The following GTF2H3 variants were observed in gnomAD, a reference collection of about 807,000 sequenced individuals.
The protein encoded by GTF2H3 is TFIIH basal transcription factor complex p34 subunit.
In GTF2H3, 42 loss-of-function variants were observed where a neutral mutation model predicts 51.1. The observed-to-expected ratio is 0.82, with a 90% confidence interval of 0.64 to 1.06. GTF2H3 has a LOEUF of 1.06. GTF2H3 is among the 50% of genes least tolerant of loss of function. GTF2H3 has a pLI of 0.00. For missense variants in GTF2H3, 326 were observed against 366.1 expected (o/e 0.89, Z 0.89); for synonymous variants, 123 against 123.8 (o/e 0.99, Z 0.04).
At chr12:123,651,887 G>C (rs553247513) in intron 5 of GTF2H3, among the ~76,000 whole-genome samples, 2 of 151,886 alleles carry the variant, frequency 1.3e-5, no homozygotes, top group African/African-American at 2.4e-5. Context: ...GAAAACTCTA[G>C]CTTCTCCATT....
intron 1 of GTF2H3, among the ~76,000 whole-genome samples, chr12:123,634,076 G>T (rs1388584005): frequency 6.6e-6 from 1 of 152,222 alleles, no homozygotes; most frequent in Non-Finnish European, 1.5e-5. Flanking sequence ...TTTTAGCAGA[G>T]ATCGTGACAG....
At chr12:123,652,660 A>G (rs1191852892) in intron 6 of GTF2H3, 47 bp from the exon 7 acceptor site, 4 of 1,538,584 alleles carry the variant, frequency 2.6e-6, no homozygotes, top group Non-Finnish European at 3.5e-6. Context: ...ACCATATATG[A>G]TTAGTAAGAT....
chr12:123,657,456 G>A (rs1179472522), intron 9 of GTF2H3, among the ~76,000 whole-genome samples: 1 of 152,170 alleles, frequency 6.6e-6, no homozygotes, highest in African/African-American at 2.4e-5. Context: ...TGCACTTTCT[G>A]TTCTCTCTGC....
chr12:123,647,731 A>C (rs1390153687), intron 3 of GTF2H3, among the ~76,000 whole-genome samples: 1 of 152,194 alleles, frequency 6.6e-6, no homozygotes, highest in African/African-American at 2.4e-5. Context: ...TTCTGTGGTG[A>C]TAGACAAATG....
chr12:123,662,566 T>G lies in GTF2H3; in HGVS notation c.*2331T>G, dbSNP rs1955670491. The G allele has an allele frequency of 6.6e-6, 1 of 152,212 alleles. No individual in the cohort carries two copies. Among genetic ancestry groups the G allele is most frequent in the Non-Finnish European group, 1.5e-5 (1 of 68,044 alleles). 9.4% of individuals were successfully genotyped at this position (152,212 alleles called of 1,614,324 possible). On this transcript the variant is annotated 3_prime_UTR_variant, in exon 13 of 13. Transcript: ENST00000543341. ...TTTTAACTGTTGCCCTTATGAGTTA[T>G]TTTATATAAATTTTTACAATAAAAT...
rs781539845 is a variant in GTF2H3 at position 123,659,847 on chromosome 12, C to G, written c.737C>G (p.Pro246Arg). Residue 246 changes from proline to arginine, a missense_variant, in exon 11 of 13, where the codon CCA becomes CGA. By Grantham distance (103) the Pro-to-Arg change is moderately radical (BLOSUM62 -2). Coordinates refer to ENST00000543341, the MANE Select transcript of GTF2H3 (RefSeq NM_001516.5). ...AGATCTCAGTTAATCCTCCCACCCC[C>G]AGTTCATGTTGACTACAGGGCTGCT... Reference protein sequence around the residue: ...DQRSQLILPPPVHVDYRAACF... With the variant: ...DQRSQLILPPRVHVDYRAACF... 1.9e-6 allele frequency: 3 copies of G among 1,613,450 alleles called. No individual in the cohort carries two copies.
rs143541829 is a variant in GTF2H3, at chr12:123,661,100, T to C, written c.*865T>C. ...TGAGCCCAGGAGTTCGAGAGCAGCC[T>C]GGGCAGCAAAGTGAGACCCCATCTC... On this transcript the variant is annotated 3_prime_UTR_variant, in exon 13 of 13. Coordinates refer to ENST00000543341, the MANE Select transcript of GTF2H3 (RefSeq NM_001516.5). 6.8e-4 allele frequency: 104 copies of C among 152,064 alleles called. No homozygotes were observed. Among genetic ancestry groups the C allele is most frequent in the African/African-American group, 2.2e-3 (91 of 41,462 alleles). The allele number at this position is 152,064 out of a possible 1,614,324, so 9.4% of individuals were successfully genotyped here. A position where few individuals can be genotyped will look rare whatever the true frequency, so the allele number is the denominator to read the frequency against.
At chr12:123,643,167 T>C (rs1955402189) in intron 2 of GTF2H3, among the ~76,000 whole-genome samples, 1 of 152,204 alleles carries the variant, frequency 6.6e-6, no homozygotes, top group African/African-American at 2.4e-5. Flanking sequence ...TGTGAGCTAC[T>C]ACGCCCGGCC....
chr12:123,635,947 G>A (rs796811102), intron 1 of GTF2H3, among the ~76,000 whole-genome samples: 6 of 152,338 alleles, frequency 3.9e-5, no homozygotes, highest in African/African-American at 1.4e-4. Context: ...TTAGAACAGG[G>A]CTTTGGCCTT....
intron 9 of GTF2H3, 103 bp from the exon 10 acceptor site, chr12:123,659,410 ATCC>A (rs1242293218): frequency 2.6e-6 from 2 of 778,464 alleles, no homozygotes; most frequent in East Asian, 2.6e-5. Flanking sequence ...GCAGTGTCAT[ATCC>A]TCCTCTGATT....
chr12:123,643,176 C>G (rs1224880474), intron 2 of GTF2H3, among the ~76,000 whole-genome samples: 1 of 152,144 alleles, frequency 6.6e-6, no homozygotes, highest in Non-Finnish European at 1.5e-5. Flanking sequence ...CTACGCCCGG[C>G]CCAACCATAC....
intron 3 of GTF2H3, among the ~76,000 whole-genome samples, chr12:123,647,747 C>T (rs1031841211): frequency 6.6e-6 from 1 of 152,152 alleles, no homozygotes; most frequent in African/African-American, 2.4e-5. Context: ...AAATGTTGGC[C>T]AGTTTGCCTA....
intron 2 of GTF2H3, among the ~76,000 whole-genome samples, chr12:123,641,527 G>GTTTTTTTT (rs112546170): frequency 1.6e-5 from 2 of 128,548 alleles, no homozygotes; most frequent in Non-Finnish European, 3.2e-5. Flanking sequence ...GTCTGCCCCC[G>GTTTTTTTT]TTTTTTTTTT....
chr12:123,644,818 G>A (rs1955424826), intron 2 of GTF2H3, among the ~76,000 whole-genome samples: 2 of 152,188 alleles, frequency 1.3e-5, no homozygotes, highest in Admixed American at 6.6e-5. Context: ...AGTGTTTTCA[G>A]TATGTATTCA....
In GTF2H3 at chr12:123,633,885, C is replaced by T. The variant is rs778042487; in HGVS notation, c.13+13C>T. On this transcript the variant is annotated intron_variant, in intron 1 of 12. Coordinates refer to ENST00000543341, the MANE Select transcript of GTF2H3 (RefSeq NM_001516.5). ...ATGGTTTCAGACGGTGAGGACCCTGCAGGGCGGGACTTCGACTCCGGGGCT... is the reference window on the plus strand; with the variant it reads ...ATGGTTTCAGACGGTGAGGACCCTGTAGGGCGGGACTTCGACTCCGGGGCT... 108 of 1,613,102 alleles carry T rather than the reference C, an allele frequency of 6.7e-5. No individual in the cohort carries two copies. The highest frequency in any genetic ancestry group is 8.8e-5 in the Non-Finnish European group (104 of 1,179,790).
chr12:123,652,130 T>C (rs1216048029), intron 5 of GTF2H3, among the ~76,000 whole-genome samples: 2 of 152,206 alleles, frequency 1.3e-5, no homozygotes, highest in African/African-American at 4.8e-5. Context: ...TGACGTTTTC[T>C]CAGTCTTATG....
At chr12:123,650,942 A>T in intron 4 of GTF2H3, 52 bp from the exon 5 acceptor site, 1 of 1,154,762 alleles carries the variant, frequency 8.7e-7, no homozygotes, top group Non-Finnish European at 1.3e-6. Context: ...CAATGATTTT[A>T]GTTCAAGAAA....
rs1955331645 is a variant in GTF2H3, at chr12:123,639,122, T to C, written c.14-142T>C. 5.3e-6 allele frequency: 3 copies of C among 560,786 alleles called. No individual in the cohort carries two copies. The South Asian group carries it at 7.1e-5, about 13-fold the overall frequency. The allele number at this position is 560,786 out of a possible 1,614,324, so 34.7% of individuals were successfully genotyped here. ...GCTTTAAAGCTTTAACTGGGTCTTC[T>C]GTTAATCTCATAATTATAAGGTGAT... On this transcript the variant is annotated intron_variant, in intron 1 of 12. Transcript: ENST00000543341.
At chr12:123,637,271 C>T (rs919264345) in intron 1 of GTF2H3, among the ~76,000 whole-genome samples, 2 of 151,818 alleles carry the variant, frequency 1.3e-5, no homozygotes, top group African/African-American at 2.4e-5. Context: ...TGGGGTGGTG[C>T]GTGCATGTAG....
Sources: allele counts gnomAD v4.1 joint callset (sites outside exome capture counted in the v4.1 genomes callset), GRCh38; gene constraint gnomAD v4.1.1; transcripts MANE v1.5; gene names NCBI Gene and HGNC (gene_info 2026-07-23, HGNC 2026-07-21).